The following SPIDR variants were observed in gnomAD, a reference collection of about 807,000 sequenced individuals.
SPIDR encodes DNA repair-scaffolding protein.
Under a neutral mutation model 104.6 loss-of-function variants are expected in SPIDR, and 93 were observed. The observed-to-expected ratio is 0.89, with a 90% CI of 0.75 to 1.06. The LOEUF (loss-of-function observed/expected upper bound fraction) is 1.06. Among genes scored for constraint, SPIDR ranks in the 50% least tolerant of loss-of-function variants. The probability of loss-of-function intolerance (pLI) is 0.00; values close to 1 mark genes in which losing one functional copy is unlikely to be tolerated. For synonymous variants in SPIDR, 431 were observed against 416.9 expected, an observed-to-expected ratio of 1.03 and a Z score of -0.41; for missense variants, 1,154 against 1,111.2, an observed-to-expected ratio of 1.04 and a Z score of -0.55.
chr8:47,300,964 C>A (rs912702699), intron 5 of SPIDR, among the ~76,000 whole-genome samples: 2 of 152,180 alleles, frequency 1.3e-5, no homozygotes, highest in East Asian at 3.9e-4. Flanking sequence ...CTATTAGGTC[C>A]GCTTGGTCCA....
chr8:47,615,110 A>G (rs1039968867), intron 10 of SPIDR, among the ~76,000 whole-genome samples: 7 of 151,338 alleles, frequency 4.6e-5, no homozygotes, highest in African/African-American at 1.7e-4. Flanking sequence ...TTGCTCTGTC[A>G]CCCAGGCTGG....
At chr8:47,562,750 T>C (rs1283978350) in intron 8 of SPIDR, among the ~76,000 whole-genome samples, 4 of 152,128 alleles carry the variant, frequency 2.6e-5, no homozygotes, top group African/African-American at 7.2e-5. Context: ...TTTAAAGTTA[T>C]AGGGTGTGGG....
At chr8:47,488,698 T>C (rs1434663541) in intron 8 of SPIDR, among the ~76,000 whole-genome samples, 1 of 152,102 alleles carries the variant, frequency 6.6e-6, no homozygotes, top group Non-Finnish European at 1.5e-5. Flanking sequence ...AGGTTCAACA[T>C]ACGCAAATCA....
chr8:47,389,758 T>C (rs2060363399), intron 5 of SPIDR, among the ~76,000 whole-genome samples: 1 of 151,452 alleles, frequency 6.6e-6, no homozygotes, highest in South Asian at 2.1e-4. Flanking sequence ...GGTCACCATG[T>C]GGCAGCAGTA....
At position 47,434,436 on chromosome 8, in the gene SPIDR, G is replaced by A. The variant is rs190040386; in HGVS notation, c.878-5887G>A. On this transcript the variant is annotated intron_variant, in intron 7 of 19. Coordinates refer to ENST00000297423, the MANE Select transcript of SPIDR (RefSeq NM_001080394.4). The stretch of plus-strand genomic sequence containing the variant: ...GGAATACTAGAACATATGTTTTAGA[G>A]CAAGATAACTGGGCAGGCTAGCCTT... Among the ~76,000 whole-genome samples the A allele has an allele frequency of 5.3e-5, 8 of 152,318 alleles. No homozygotes were observed. The East Asian group carries it at 1.5e-3, about 29-fold the overall frequency.
chr8:47,310,333 CAAAAAA>C (rs1166703089), intron 5 of SPIDR, among the ~76,000 whole-genome samples: 2 of 54,878 alleles, frequency 3.6e-5, no homozygotes, highest in African/African-American at 1.3e-4. Context: ...GACTCCATCT[CAAAAAA>C]AAAAAAAAAA....
intron 8 of SPIDR, among the ~76,000 whole-genome samples, chr8:47,483,580 A>C (rs1251264751): frequency 2.6e-5 from 4 of 152,246 alleles, no homozygotes; most frequent in African/African-American, 9.6e-5. Flanking sequence ...GAGGGAGGTG[A>C]CTAAGAAGCT....
intron 8 of SPIDR, among the ~76,000 whole-genome samples, chr8:47,484,646 A>C (rs1301429248): frequency 6.6e-6 from 1 of 152,218 alleles, no homozygotes; most frequent in African/African-American, 2.4e-5. Flanking sequence ...AGCAACAGTA[A>C]AAACCAGGCA....
chr8:47,690,381 A>G (rs541348234), intron 11 of SPIDR, among the ~76,000 whole-genome samples: 3 of 151,810 alleles, frequency 2.0e-5, no homozygotes, highest in African/African-American at 7.2e-5. Context: ...ACTAAATTAT[A>G]CTACTTGATA....
chr8:47,291,212 G>A lies in SPIDR; in HGVS notation c.361+75G>A, dbSNP rs1007514826. 1.4e-4 allele frequency: 136 copies of A among 952,568 alleles called. No individual in the cohort carries two copies. The African/African-American group carries it at 1.6e-3, about 11-fold the overall frequency. The allele number at this position is 952,568 out of a possible 1,614,324, so 59.0% of individuals were successfully genotyped here. The stretch of plus-strand genomic sequence containing the variant: ...GTGTCCAGAAGATCAGAGTAATGAA[G>A]GTAAATTGATAATTTTGTTAGGAAT... On this transcript the variant is annotated intron_variant, in intron 4 of 19. Coordinates refer to ENST00000297423, the MANE Select transcript of SPIDR (RefSeq NM_001080394.4).
At chr8:47,603,212 T>C (rs1334118911) in intron 10 of SPIDR, among the ~76,000 whole-genome samples, 1 of 151,642 alleles carries the variant, frequency 6.6e-6, no homozygotes, top group Non-Finnish European at 1.5e-5. Context: ...TAATGAAAAC[T>C]GAGGCAAAGA....
chr8:47,325,071 A>C (rs915349507), intron 5 of SPIDR, among the ~76,000 whole-genome samples: 16 of 152,302 alleles, frequency 1.1e-4, no homozygotes, highest in African/African-American at 3.8e-4. Context: ...CTTATCTCTA[A>C]GAACATTACA....
At chr8:47,577,038 T>A (rs78566291) in intron 8 of SPIDR, among the ~76,000 whole-genome samples, 17 of 152,208 alleles carry the variant, frequency 1.1e-4, no homozygotes. Flanking sequence ...GCATGACTTA[T>A]TGATTCCACA....
chr8:47,639,683 C>G (rs1170104794), intron 10 of SPIDR, among the ~76,000 whole-genome samples: 1 of 152,170 alleles, frequency 6.6e-6, no homozygotes, highest in Non-Finnish European at 1.5e-5. Flanking sequence ...TGCAGTGGCT[C>G]GCGCCTGTTA....
intron 5 of SPIDR, among the ~76,000 whole-genome samples, chr8:47,319,922 A>G (rs879994378): frequency 6.6e-5 from 10 of 152,000 alleles, no homozygotes; most frequent in African/African-American, 9.6e-5. Flanking sequence ...CAACATAACC[A>G]GAATCTCTGG....
At chr8:47,707,273 T>C (rs2081234744) in intron 14 of SPIDR, among the ~76,000 whole-genome samples, 1 of 151,134 alleles carries the variant, frequency 6.6e-6, no homozygotes, top group Non-Finnish European at 1.5e-5. Flanking sequence ...AAAAAAAAAT[T>C]CATTAAAGAA....
intron 3 of SPIDR, among the ~76,000 whole-genome samples, chr8:47,288,000 A>G (rs2154234214): frequency 6.6e-6 from 1 of 152,308 alleles, no homozygotes; most frequent in Non-Finnish European, 1.5e-5. Context: ...TAAAAGTATT[A>G]ATTTTGGGAA....
intron 8 of SPIDR, among the ~76,000 whole-genome samples, chr8:47,476,274 A>C (rs1265653080): frequency 2.6e-5 from 4 of 152,150 alleles, no homozygotes; most frequent in African/African-American, 9.7e-5. Context: ...TTATAAGAGC[A>C]CTGGCATTGG....
chr8:47,733,600 G>T (rs542261680), intron 19 of SPIDR, among the ~76,000 whole-genome samples: 2 of 151,442 alleles, frequency 1.3e-5, no homozygotes, highest in Admixed American at 1.3e-4. Flanking sequence ...CGCATATGCC[G>T]CCTCCACCCT....
Sources: gnomAD v4.1 joint callset for allele counts (sites outside exome capture counted in the v4.1 genomes callset) on GRCh38, gnomAD v4.1.1 for gene constraint, MANE v1.5 for transcripts, NCBI Gene and HGNC (gene_info 2026-07-23, HGNC 2026-07-21) for gene names.